CMYA5: variants seen among roughly 807,000 people sequenced by gnomAD.
The protein encoded by CMYA5 is cardiomyopathy-associated protein 5.
CMYA5 carries 246 observed loss-of-function variants against 318.9 expected under a neutral mutation model. The observed-to-expected ratio is 0.77, with a 90% CI of 0.70 to 0.86. The LOEUF is 0.86. CMYA5 is among the 40% of genes least tolerant of loss of function. The pLI, the probability that CMYA5 is intolerant of heterozygous loss-of-function variation, is 0.00. For synonymous variants in CMYA5, 1,641 were observed against 1,729.5 expected, an observed-to-expected ratio of 0.95 and a Z score of 1.27; for missense variants, 4,589 against 4,678.2, an observed-to-expected ratio of 0.98 and a Z score of 0.56.
At chr5:79,752,822 A>G (rs768250831) in intron 6 of CMYA5, 28 bp downstream of exon 6, 1 of 1,507,426 alleles carries the variant, frequency 6.6e-7, no homozygotes, top group South Asian at 1.1e-5. Flanking sequence ...TTAATTACCT[A>G]GATGAAATAT....
chr5:79,715,835 T>A (rs183727430), intron 1 of CMYA5, among the ~76,000 whole-genome samples: 1 of 152,248 alleles, frequency 6.6e-6, no homozygotes, highest in Non-Finnish European at 1.5e-5. Flanking sequence ...GCAGTAGATA[T>A]AATATGACTT....
chr5:79,766,095 T>TTTTA (rs1419377732), intron 9 of CMYA5, among the ~76,000 whole-genome samples: 2 of 152,212 alleles, frequency 1.3e-5, no homozygotes, highest in South Asian at 2.1e-4. Flanking sequence ...TTCCAGTTTG[T>TTTTA]TTTATTTATT....
intron 12 of CMYA5, 43 bp downstream of exon 12, chr5:79,793,653 C>A: frequency 1.3e-6 from 2 of 1,550,216 alleles, no homozygotes; most frequent in Non-Finnish European, 1.8e-6. Flanking sequence ...AAATATTATG[C>A]TTGGGTGTCC....
At position 79,737,223 on chromosome 5, in the gene CMYA5, C is replaced by T. The variant is rs1029869819; in HGVS notation, c.8458C>T (p.Leu2820Phe). ...YLLSPVKPQT[L>F]ASGASPEINA... ...GCTGTCACCTGTAAAACCACAAACTCTTGCTTCAGGAGCTTCTCCAGAAAT... is the reference window on the plus strand; with the variant it reads ...GCTGTCACCTGTAAAACCACAAACTTTTGCTTCAGGAGCTTCTCCAGAAAT... The change falls in exon 2 of 13, where the codon CTT (leucine) becomes TTT (phenylalanine). Residue 2820 changes from leucine to phenylalanine, a missense_variant. By Grantham distance (22) the Leu-to-Phe change is conservative. Coordinates refer to ENST00000446378, the MANE Select transcript of CMYA5 (RefSeq NM_153610.5). 3 of 1,613,748 alleles carry T rather than the reference C, an allele frequency of 1.9e-6. No homozygotes were observed. In the Middle Eastern group the frequency reaches 4.9e-4, roughly 266 times the overall value.
At chr5:79,716,791 G>A (rs534546817) in intron 1 of CMYA5, among the ~76,000 whole-genome samples, 1 of 152,266 alleles carries the variant, frequency 6.6e-6, no homozygotes, top group East Asian at 1.9e-4. Flanking sequence ...TTGTTTTACG[G>A]TGGAGCTACT....
At chr5:79,710,818 T>C (rs190695371) in intron 1 of CMYA5, among the ~76,000 whole-genome samples, 12 of 152,334 alleles carry the variant, frequency 7.9e-5, no homozygotes, top group Non-Finnish European at 1.6e-4. Flanking sequence ...TAAAACATTT[T>C]ACTGGATCAA....
At position 79,793,485 on chromosome 5, in the gene CMYA5, C is replaced by T; in HGVS notation, c.11838C>T (p.Tyr3946=). The change falls in exon 12 of 13, where the codon TAC becomes TAT. Residue 3946 remains tyrosine, a synonymous_variant. Transcript: ENST00000446378. Reference sequence around the variant, plus strand: ...AGCTGCCTTCCTGTGGCCAGCATTACTGGGAAACCACAGTCACAGACTGCC... The same window carrying T: ...AGCTGCCTTCCTGTGGCCAGCATTATTGGGAAACCACAGTCACAGACTGCC... The part of the protein sequence containing the change: ...GEELPSCGQH[Y]WETTVTDCPA... 1 of 1,613,928 alleles carries T rather than the reference C, an allele frequency of 6.2e-7. No individual in the cohort carries two copies. The highest frequency in any genetic ancestry group is 2.2e-5 in the East Asian group (1 of 44,884).
chr5:79,734,623 A>C lies in CMYA5; in HGVS notation c.5858A>C (p.Glu1953Ala). ...RKQVLPHSAEESHLSSQEAVS... is the reference protein window; with the variant it reads ...RKQVLPHSAEASHLSSQEAVS... ...CAGGTCCTGCCGCATTCTGCTGAAG[A>C]ATCTCATTTGTCATCACAAGAAGCA... Residue 1953 changes from glutamate (E) to alanine (A), a missense_variant, in exon 2 of 13, where the codon GAA (glutamate) becomes GCA (alanine). Glu to Ala is a moderately radical substitution (Grantham distance 107). Around this residue, in one of 3 missense-constraint regions of CMYA5, gnomAD observed 2,431 missense variants for 2,495.1 expected, o/e 0.97. Coordinates refer to ENST00000446378, the MANE Select transcript of CMYA5 (RefSeq NM_153610.5). 6.2e-7 allele frequency: 1 copy of C among 1,613,896 alleles called. No homozygotes were observed.
At chr5:79,789,489 A>C (rs1829138991) in intron 10 of CMYA5, among the ~76,000 whole-genome samples, 2 of 151,524 alleles carry the variant, frequency 1.3e-5, no homozygotes, top group South Asian at 4.2e-4. Context: ...AAGTGGCATG[A>C]TCTTGGCTCA....
chr5:79,724,745 TAC>T (rs1396861820), intron 1 of CMYA5, among the ~76,000 whole-genome samples: 1 of 152,234 alleles, frequency 6.6e-6, no homozygotes, highest in African/African-American at 2.4e-5. Context: ...CTTCTGTTAA[TAC>T]ATTGTTTCTT....
chr5:79,745,160 A>G (rs1828293182), intron 3 of CMYA5, 62 bp from the exon 4 acceptor site: 3 of 1,149,920 alleles, frequency 2.6e-6, no homozygotes, highest in Non-Finnish European at 3.7e-6. Context: ...TTTCCAAAAA[A>G]AAAAAAAAGC....
intron 7 of CMYA5, 30 bp downstream of exon 7, chr5:79,758,932 TATGCATATTC>T: frequency 6.6e-7 from 1 of 1,514,976 alleles, no homozygotes; most frequent in Non-Finnish European, 8.9e-7. Context: ...TACAAATGCA[TATGCATATTC>T]ATGCATCTTC....
At chr5:79,699,008 A>T (rs1827125130) in intron 1 of CMYA5, among the ~76,000 whole-genome samples, 1 of 152,094 alleles carries the variant, frequency 6.6e-6, no homozygotes, top group African/African-American at 2.4e-5. Context: ...ACATACAAAA[A>T]TTAGCTGGGC....
intron 1 of CMYA5, among the ~76,000 whole-genome samples, chr5:79,714,585 G>T (rs1175406805): frequency 6.6e-6 from 1 of 151,864 alleles, no homozygotes; most frequent in Non-Finnish European, 1.5e-5. Flanking sequence ...CTGTAGGCAT[G>T]TGCCACCATG....
At chr5:79,761,669 G>A in intron 7 of CMYA5, 142 bp from the exon 8 acceptor site, 1 of 766,064 alleles carries the variant, frequency 1.3e-6, no homozygotes, top group Non-Finnish European at 2.0e-6. Context: ...ATTCTAAGGA[G>A]CTGGTTTTCA....
At chr5:79,709,960 C>CAAAAAAAAAAAA (rs61657639) in intron 1 of CMYA5, among the ~76,000 whole-genome samples, 16 of 24,316 alleles carry the variant, frequency 6.6e-4, no homozygotes, top group African/African-American at 1.4e-3. Context: ...GACTCCATCT[C>CAAAAAAAAAAAA]AAAAAAAAAA....
intron 1 of CMYA5, among the ~76,000 whole-genome samples, chr5:79,691,918 A>T (rs972923101): frequency 6.6e-5 from 10 of 152,226 alleles, no homozygotes; most frequent in African/African-American, 2.4e-4. Flanking sequence ...ACTGAAGGGC[A>T]TGGGGGCTTC....
intron 1 of CMYA5, among the ~76,000 whole-genome samples, chr5:79,713,829 G>C (rs367960342): frequency 1.3e-5 from 2 of 152,052 alleles, no homozygotes; most frequent in Non-Finnish European, 2.9e-5. Context: ...ATTTTGGTTC[G>C]GGAGGAGTAG....
intron 1 of CMYA5, among the ~76,000 whole-genome samples, chr5:79,698,418 G>C (rs757274236): frequency 2.4e-4 from 36 of 152,206 alleles, no homozygotes; most frequent in Middle Eastern, 3.4e-3. Context: ...TCACCTGTCT[G>C]TGTCTTTACC....
Sources: gnomAD v4.1 joint callset for allele counts (sites outside exome capture counted in the v4.1 genomes callset) on GRCh38, gnomAD v4.1.1 for gene constraint, gnomAD v4.1.1 regional missense constraint, MANE v1.5 for transcripts, NCBI Gene and HGNC (gene_info 2026-07-23, HGNC 2026-07-21) for gene names.